The following TENM3 variants were observed in gnomAD, a reference collection of about 807,000 sequenced individuals.
The protein encoded by TENM3 is teneurin transmembrane protein 3.
In TENM3, 63 loss-of-function variants were observed where a neutral mutation model predicts 255.1. The observed-to-expected ratio is 0.25, with a 90% confidence interval of 0.20 to 0.30. TENM3 has a LOEUF of 0.30. Among genes scored for constraint, TENM3 ranks in the 10% least tolerant of loss-of-function variants. The pLI is 1.00. For synonymous variants in TENM3, 1,306 were observed against 1,322.3 expected (o/e 0.99, Z 0.27); for missense variants, 2,929 against 3,461.1 (o/e 0.85, Z 3.86).
intron 22 of TENM3, among the ~76,000 whole-genome samples, chr4:182,768,801 C>G (rs1763935164): frequency 6.6e-6 from 1 of 152,154 alleles, no homozygotes; most frequent in African/African-American, 2.4e-5. Flanking sequence ...ATAAGGGCAT[C>G]TCATCAGTGG....
chr4:181,895,511 G>C, the TENM3 span, among the ~76,000 whole-genome samples: 1 of 125,290 alleles, frequency 8.0e-6, no homozygotes. Flanking sequence ...CATCTTTTCT[G>C]TGCAACTTTC....
At chr4:182,218,503 T>G (rs1486601100) in intron 1 of TENM3, among the ~76,000 whole-genome samples, 1 of 152,154 alleles carries the variant, frequency 6.6e-6, no homozygotes, top group Non-Finnish European at 1.5e-5. Context: ...TTAGCCCCAT[T>G]TTATAAATGA....
chr4:182,370,312 T>C (rs13435448), intron 3 of TENM3, among the ~76,000 whole-genome samples: 16,926 of 152,244 alleles, frequency 0.11, 2,085 homozygotes, highest in African/African-American at 0.3. Flanking sequence ...GTAAGTATCA[T>C]GTCTATGACA....
chr4:181,646,485 T>C, the TENM3 span, among the ~76,000 whole-genome samples: 1 of 152,170 alleles, frequency 6.6e-6, no homozygotes, highest in Non-Finnish European at 1.5e-5. Flanking sequence ...TCTAGGATCA[T>C]GGGGCAAGGA....
the TENM3 span, among the ~76,000 whole-genome samples, chr4:182,091,216 AG>A: frequency 3.9e-5 from 6 of 152,354 alleles, no homozygotes; most frequent in South Asian, 6.2e-4. Context: ...AAAGCACAGC[AG>A]GCCAATTTGA....
At chr4:182,230,508 A>G (rs2150011096) in intron 1 of TENM3, among the ~76,000 whole-genome samples, 1 of 152,076 alleles carries the variant, frequency 6.6e-6, no homozygotes, top group Middle Eastern at 3.4e-3. Context: ...ACTCTTTTCT[A>G]GGTGCTTGCA....
chr4:182,646,606 G>A (rs943657565), intron 5 of TENM3, among the ~76,000 whole-genome samples: 1 of 152,094 alleles, frequency 6.6e-6, no homozygotes, highest in South Asian at 2.1e-4. Flanking sequence ...GCTGGATGTG[G>A]TGGCGGGTGC....
At chr4:182,615,746 T>C (rs1295536942) in intron 4 of TENM3, among the ~76,000 whole-genome samples, 2 of 145,012 alleles carry the variant, frequency 1.4e-5, no homozygotes, top group Non-Finnish European at 3.0e-5. Flanking sequence ...AAAAAAAGAG[T>C]GAGATGACAT....
upstream of TENM3, chr4:182,142,281 T>C (rs1212784064): frequency 1.3e-5 from 2 of 152,544 alleles, no homozygotes; most frequent in African/African-American, 4.8e-5. Context: ...TGCGTGCTGC[T>C]TTCCGTCACT....
the TENM3 span, among the ~76,000 whole-genome samples, chr4:181,837,275 G>C: frequency 2.0e-5 from 3 of 152,008 alleles, no homozygotes; most frequent in African/African-American, 7.3e-5. Flanking sequence ...AAGTGGTATT[G>C]AGAGCCACTC....
chr4:182,528,021 C>T (rs1209206978), intron 3 of TENM3, among the ~76,000 whole-genome samples: 9 of 152,204 alleles, frequency 5.9e-5, no homozygotes, highest in Non-Finnish European at 7.3e-5. Context: ...CCACCAGGCC[C>T]GGTCTAGGCC....
At chr4:182,455,818 T>C (rs1300296261) in intron 3 of TENM3, among the ~76,000 whole-genome samples, 2 of 152,110 alleles carry the variant, frequency 1.3e-5, no homozygotes, top group African/African-American at 2.4e-5. Context: ...CGCCTCAGCC[T>C]CCCAAAGTGC....
intron 3 of TENM3, among the ~76,000 whole-genome samples, chr4:182,459,518 A>C (rs1449152542): frequency 6.6e-6 from 1 of 152,224 alleles, no homozygotes; most frequent in Admixed American, 6.5e-5. Context: ...GTTTTAAACA[A>C]GATTCGTGGC....
At chr4:182,150,538 G>C (rs1750269340) in intron 1 of TENM3, among the ~76,000 whole-genome samples, 1 of 150,506 alleles carries the variant, frequency 6.6e-6, no homozygotes, top group Non-Finnish European at 1.5e-5. Flanking sequence ...ATGGAAAAAA[G>C]AAAATGTACT....
chr4:182,773,536 G>A lies in TENM3; in HGVS notation c.4957G>A (p.Gly1653Arg), dbSNP rs762748213. 2 of 1,613,838 alleles carry A rather than the reference G, an allele frequency of 1.2e-6. No homozygotes were observed. Among genetic ancestry groups the A allele is most frequent in the Middle Eastern group, 1.6e-4 (1 of 6,062 alleles). The stretch of plus-strand genomic sequence containing the variant: ...AACTGGAGTGGTCACAAACCTGCAT[G>A]GGGACATGGACAAGGCTATCACAGT... ...FPTGVVTNLHGDMDKAITVDI... is the reference protein window; with the variant it reads ...FPTGVVTNLHRDMDKAITVDI... Residue 1653 changes from glycine to arginine, a missense_variant, in exon 23 of 28, where the codon GGG becomes AGG. This residue lies in a region of TENM3 where 1,608 missense variants were observed against 1,884.4 expected (regional missense o/e 0.85). Transcript: ENST00000511685.
chr4:181,539,944 C>A, the TENM3 span, among the ~76,000 whole-genome samples: 1 of 152,016 alleles, frequency 6.6e-6, no homozygotes, highest in Non-Finnish European at 1.5e-5. Flanking sequence ...CTTGAAATAC[C>A]AAGCCCTCAG....
At chr4:182,275,491 G>A (rs1400061729) in intron 1 of TENM3, among the ~76,000 whole-genome samples, 1 of 152,208 alleles carries the variant, frequency 6.6e-6, no homozygotes, top group Non-Finnish European at 1.5e-5. Context: ...CAGAACACCT[G>A]CAGTGTGACA....
At chr4:181,750,341 C>A in the TENM3 span, among the ~76,000 whole-genome samples, 3 of 152,118 alleles carry the variant, frequency 2.0e-5, no homozygotes, top group African/African-American at 7.2e-5. Context: ...TTAGGGAAAG[C>A]TAAAGAAAAT....
chr4:182,747,084 G>A (rs1485339917), intron 19 of TENM3, among the ~76,000 whole-genome samples: 1 of 152,070 alleles, frequency 6.6e-6, no homozygotes, highest in African/African-American at 2.4e-5. Flanking sequence ...CGCTTTCTTG[G>A]GCAGCATGAG....
Sources: allele counts gnomAD v4.1 joint callset (sites outside exome capture counted in the v4.1 genomes callset), GRCh38; gene constraint gnomAD v4.1.1; regional missense constraint gnomAD v4.1.1; transcripts MANE v1.5; gene names NCBI Gene and HGNC (gene_info 2026-07-23, HGNC 2026-07-21).